The following MMD2 variants were observed in gnomAD, a reference collection of about 807,000 sequenced individuals.
MMD2 encodes the protein monocyte to macrophage differentiation associated 2.
MMD2 carries 30 observed loss-of-function variants against 33.5 expected under a neutral mutation model. That is an observed-to-expected ratio of 0.90 (90% CI 0.67 to 1.22). The LOEUF is 1.22. MMD2 is among the 50% of genes most tolerant of loss of function. The probability of loss-of-function intolerance (pLI) is 0.00; values close to 1 mark genes in which losing one functional copy is unlikely to be tolerated. For missense variants in MMD2, 364 were observed against 325.4 expected (o/e 1.12, Z -0.91); for synonymous variants, 129 against 123.0 (o/e 1.05, Z -0.32).
At chr7:4,931,840 C>T (rs1417208430) in intron 1 of MMD2, among the ~76,000 whole-genome samples, 1 of 152,168 alleles carries the variant, frequency 6.6e-6, no homozygotes, top group Non-Finnish European at 1.5e-5. Flanking sequence ...GCTGAGATTA[C>T]AGGAATGAGC....
intron 4 of MMD2, 39 bp from the exon 5 acceptor site, chr7:4,911,285 G>A: frequency 6.6e-7 from 1 of 1,509,654 alleles, no homozygotes. Flanking sequence ...CCTGAGGGGG[G>A]CCCACCAGGA....
chr7:4,937,972 T>C (rs1004899304), intron 1 of MMD2, among the ~76,000 whole-genome samples: 7 of 150,030 alleles, frequency 4.7e-5, no homozygotes, highest in African/African-American at 1.7e-4. Flanking sequence ...TTAATTTCTT[T>C]TTCTTTTTTT....
At position 4,916,070 on chromosome 7, in the gene MMD2, T is replaced by C; in HGVS notation, c.300A>G (p.Glu100=). ...TCCGGTCGAACATGTGTAGACAGTG[T>C]TCCACCATCCTAGGGCGGCAGAGAA... ...SWKKSHLRMV[E]HCLHMFDRMV... Residue 100 remains glutamate, a synonymous_variant, in exon 4 of 7, where the codon GAA becomes GAG. Coordinates refer to ENST00000401401, the MANE Select transcript of MMD2 (RefSeq NM_198403.4). 6.2e-7 allele frequency: 1 copy of C among 1,613,714 alleles called. No individual in the cohort carries two copies. The highest frequency in any genetic ancestry group is 8.5e-7 in the Non-Finnish European group (1 of 1,179,796).
rs368646282 is a variant in MMD2, at chr7:4,941,019, T to C, written c.48-15487A>G. On this transcript the variant is annotated intron_variant, in intron 1 of 6. Transcript: ENST00000401401. The stretch of plus-strand genomic sequence containing the variant: ...CCAGCCTCAGGAGGCTCCCAGATGC[T>C]ATCAAGTGAGAAGGGGCCATGGTCA... Among the ~76,000 whole-genome samples, 5 of 152,246 alleles carry C rather than the reference T, an allele frequency of 3.3e-5. No individual in the cohort carries two copies. In the South Asian group the frequency reaches 8.3e-4, roughly 25 times the overall value.
intron 1 of MMD2, among the ~76,000 whole-genome samples, chr7:4,952,039 A>G (rs558366445): frequency 4.6e-5 from 7 of 152,286 alleles, no homozygotes; most frequent in Non-Finnish European, 8.8e-5. Context: ...CTCGGCCTCA[A>G]CAAGGTTTTT....
intron 1 of MMD2, among the ~76,000 whole-genome samples, chr7:4,936,430 AT>A (rs1449806654): frequency 2.0e-5 from 3 of 151,934 alleles, no homozygotes; most frequent in Admixed American, 6.6e-5. Context: ...CCCCTCCCTT[AT>A]TTTTTTAATT....
the MMD2 span, among the ~76,000 whole-genome samples, chr7:4,892,741 A>G: frequency 6.6e-6 from 1 of 151,802 alleles, no homozygotes; most frequent in Non-Finnish European, 1.5e-5. Context: ...TTTGAGATGA[A>G]GTCTAGCTCT....
At chr7:4,897,732 CTCTTTCTT>C in the MMD2 span, among the ~76,000 whole-genome samples, 1 of 142,120 alleles carries the variant, frequency 7.0e-6, no homozygotes, top group Non-Finnish European at 1.5e-5. Context: ...TGTATTTAAT[CTCTTTCTT>C]TCTTTCTTTC....
intron 1 of MMD2, among the ~76,000 whole-genome samples, chr7:4,932,905 G>GT (rs2115125503): frequency 6.6e-6 from 1 of 151,804 alleles, no homozygotes; most frequent in African/African-American, 2.4e-5. Context: ...GATTACAGGC[G>GT]TGAGCCACCA....
the MMD2 span, among the ~76,000 whole-genome samples, chr7:4,896,477 C>T: frequency 3.9e-5 from 6 of 151,970 alleles, no homozygotes; most frequent in African/African-American, 7.3e-5. Context: ...GAGACTCTGT[C>T]GCAAAAAAAT....
At position 4,923,924 on chromosome 7, in the gene MMD2, G is replaced by A. The variant is rs144897224; in HGVS notation, c.129+1527C>T. On this transcript the variant is annotated intron_variant, in intron 2 of 6. Coordinates refer to ENST00000401401, the MANE Select transcript of MMD2 (RefSeq NM_198403.4). ...CAGCCCTATGGGAGGCCAAGGCGGCGGCTCACACCTGTAATCCCAGCCCTA... is the reference window on the plus strand; with the variant it reads ...CAGCCCTATGGGAGGCCAAGGCGGCAGCTCACACCTGTAATCCCAGCCCTA... 2.3e-3 allele frequency among the ~76,000 whole-genome samples: 348 copies of A among 151,886 alleles called. 1 individual carries two copies. The highest frequency in any genetic ancestry group is 7.7e-3 in the African/African-American group (319 of 41,378).
the MMD2 span, among the ~76,000 whole-genome samples, chr7:4,900,377 C>G: frequency 6.6e-6 from 1 of 152,044 alleles, no homozygotes; most frequent in African/African-American, 2.4e-5. Context: ...ATCTGTTATA[C>G]TGGTAAAAAG....
chr7:4,932,438 CTT>C (rs1234676457), intron 1 of MMD2, among the ~76,000 whole-genome samples: 1 of 152,108 alleles, frequency 6.6e-6, no homozygotes, highest in Non-Finnish European at 1.5e-5. Context: ...AAAATTTCCT[CTT>C]TTTTTGCTAT....
In MMD2 at chr7:4,927,859, G is replaced by A. The variant is rs183340953; in HGVS notation, c.48-2327C>T. ...ATTTTACAGATGGAGAAGCTACAGG[G>A]CAGGGAGGTGAGGGAAAGAAATCAC... On this transcript the variant is annotated intron_variant, in intron 1 of 6. Coordinates refer to ENST00000401401, the MANE Select transcript of MMD2 (RefSeq NM_198403.4). Among the ~76,000 whole-genome samples the A allele has an allele frequency of 3.3e-5, 5 of 152,294 alleles. 1 individual carries two copies. Among genetic ancestry groups the A allele is most frequent in the Admixed American group, 2.6e-4 (4 of 15,284 alleles).
chr7:4,903,219 C>G (rs1318435069), downstream of MMD2, among the ~76,000 whole-genome samples: 1 of 152,176 alleles, frequency 6.6e-6, no homozygotes, highest in Non-Finnish European at 1.5e-5. Context: ...GCCTGGGCAA[C>G]AGAGCGAGAC....
At chr7:4,915,390 ATATT>A (rs754565880) in intron 4 of MMD2, among the ~76,000 whole-genome samples, 12 of 152,100 alleles carry the variant, frequency 7.9e-5, no homozygotes, top group Non-Finnish European at 1.8e-4. Context: ...TCTATTACAC[ATATT>A]TATATATGTG....
intron 4 of MMD2, among the ~76,000 whole-genome samples, chr7:4,912,488 G>A (rs4510749): frequency 0.015 from 2,264 of 151,556 alleles, 48 homozygotes; most frequent in African/African-American, 0.053. Context: ...CGTGAACCCG[G>A]GAGGCAGAGC....
chr7:4,909,152 G>T (rs1233182293), intron 6 of MMD2, among the ~76,000 whole-genome samples: 1 of 151,998 alleles, frequency 6.6e-6, no homozygotes, highest in Non-Finnish European at 1.5e-5. Flanking sequence ...TAGTAGTCCT[G>T]GCCCCCAGAT....
intron 4 of MMD2, among the ~76,000 whole-genome samples, chr7:4,913,976 T>C (rs1221134670): frequency 1.3e-5 from 2 of 152,018 alleles, no homozygotes; most frequent in East Asian, 3.9e-4. Context: ...ATTTTTTAAA[T>C]TACATGTTTC....
Sources: allele counts gnomAD v4.1 joint callset (sites outside exome capture counted in the v4.1 genomes callset), GRCh38; gene constraint gnomAD v4.1.1; transcripts MANE v1.5; gene names NCBI Gene and HGNC (gene_info 2026-07-23, HGNC 2026-07-21).